Variants in HDAC9 observed in about 807,000 individuals in gnomAD.
The protein encoded by HDAC9 is histone deacetylase 9.
In HDAC9, 41 loss-of-function variants were observed where a neutral mutation model predicts 139.4. That is an observed-to-expected ratio of 0.29 (90% CI 0.23 to 0.38). The LOEUF is 0.38. Among genes scored for constraint, HDAC9 ranks in the 10% least tolerant of loss-of-function variants. The pLI, the probability that HDAC9 is intolerant of heterozygous loss-of-function variation, is 1.00. For synonymous variants in HDAC9, 517 were observed against 476.2 expected (o/e 1.09, Z -1.12); for missense variants, 1,147 against 1,297.0 (o/e 0.88, Z 1.78).
At chr7:18,594,421 A>G (rs1831889851) in intron 6 of HDAC9, among the ~76,000 whole-genome samples, 1 of 152,076 alleles carries the variant, frequency 6.6e-6, no homozygotes, top group Non-Finnish European at 1.5e-5. Flanking sequence ...AACGAGAATA[A>G]TAAAGTTTAA....
chr7:18,707,455 C>A (rs1784015447), intron 12 of HDAC9, among the ~76,000 whole-genome samples: 1 of 151,978 alleles, frequency 6.6e-6, no homozygotes, highest in Non-Finnish European at 1.5e-5. Context: ...GTCCAACAGT[C>A]TAATAAAAAG....
At chr7:18,582,635 A>G (rs1828180958) in intron 2 of HDAC9, among the ~76,000 whole-genome samples, 1 of 152,192 alleles carries the variant, frequency 6.6e-6, no homozygotes, top group African/African-American at 2.4e-5. Flanking sequence ...TACCAAATGG[A>G]TGCGACATAT....
rs1786594171 is a variant in HDAC9 at position 18,998,631 on chromosome 7, T to G, written c.*2569T>G. The G allele has an allele frequency of 6.6e-6, 1 of 152,218 alleles. No homozygotes were observed. The highest frequency in any genetic ancestry group is 1.5e-5 in the Non-Finnish European group (1 of 68,034). The allele number at this position is 152,218 out of a possible 1,614,324, so 9.4% of individuals were successfully genotyped here. On this transcript the variant is annotated 3_prime_UTR_variant, in exon 26 of 26. Coordinates refer to ENST00000686413, the MANE Select transcript of HDAC9 (RefSeq NM_178425.4). Reference sequence around the variant, plus strand: ...CACTTCTTTTGAAATAGACCAGCACTTTTTGAAAGGGTAGTTTCACTTGGT... The same window carrying G: ...CACTTCTTTTGAAATAGACCAGCACGTTTTGAAAGGGTAGTTTCACTTGGT...
At chr7:18,245,266 C>G (rs1443598809) in intron 2 of HDAC9, among the ~76,000 whole-genome samples, 1 of 152,174 alleles carries the variant, frequency 6.6e-6, no homozygotes, top group Non-Finnish European at 1.5e-5. Context: ...GCAGGCATCC[C>G]CTTGTGGTAT....
intron 6 of HDAC9, among the ~76,000 whole-genome samples, chr7:18,609,370 CTAAGTT>C: frequency 6.6e-6 from 1 of 152,080 alleles, no homozygotes; most frequent in Non-Finnish European, 1.5e-5. Context: ...TCATTTGAAT[CTAAGTT>C]TAAAAAGCCA....
chr7:18,365,516 T>G (rs1038943558), intron 1 of HDAC9, among the ~76,000 whole-genome samples: 1 of 152,030 alleles, frequency 6.6e-6, no homozygotes, highest in Admixed American at 6.6e-5. Flanking sequence ...GATGAATCAT[T>G]TTTGCAGTAT....
At chr7:18,788,757 A>G (rs535488383) in intron 16 of HDAC9, among the ~76,000 whole-genome samples, 25 of 151,360 alleles carry the variant, frequency 1.7e-4, no homozygotes, top group African/African-American at 5.8e-4. Flanking sequence ...TCTGTTTAAA[A>G]AAAAAAAAAA....
At chr7:18,606,632 T>A (rs1232085311) in intron 6 of HDAC9, among the ~76,000 whole-genome samples, 1 of 152,212 alleles carries the variant, frequency 6.6e-6, no homozygotes, top group Non-Finnish European at 1.5e-5. Context: ...TCAAACCAAT[T>A]TTTGACCTGT....
At chr7:18,720,978 C>A (rs1785103283) in intron 12 of HDAC9, among the ~76,000 whole-genome samples, 1 of 151,994 alleles carries the variant, frequency 6.6e-6, no homozygotes, top group South Asian at 2.1e-4. Flanking sequence ...TGTGCCCAGC[C>A]TATTTTTATT....
intron 23 of HDAC9, among the ~76,000 whole-genome samples, chr7:18,950,851 G>A (rs1782743327): frequency 6.6e-6 from 1 of 151,934 alleles, no homozygotes; most frequent in East Asian, 1.9e-4. Context: ...TAAAATACTT[G>A]GCATATTTGG....
At chr7:18,138,561 T>TGTGC (rs1554306582) in intron 1 of HDAC9, among the ~76,000 whole-genome samples, 2 of 137,924 alleles carry the variant, frequency 1.5e-5, no homozygotes, top group Non-Finnish European at 3.0e-5. Flanking sequence ...TGTGTGTGTG[T>TGTGC]GTGCACATGC....
At chr7:18,986,678 G>C (rs192811707) in intron 25 of HDAC9, among the ~76,000 whole-genome samples, 1 of 152,108 alleles carries the variant, frequency 6.6e-6, no homozygotes, top group South Asian at 2.1e-4. Flanking sequence ...GCCATTTTCA[G>C]AAGATTGATT....
intron 1 of HDAC9, among the ~76,000 whole-genome samples, chr7:18,481,395 CTT>C (rs1459907477): frequency 6.6e-6 from 1 of 152,078 alleles, no homozygotes; most frequent in African/African-American, 2.4e-5. Context: ...CTAATGTTTC[CTT>C]CGTGGTGTTC....
intron 1 of HDAC9, among the ~76,000 whole-genome samples, chr7:18,102,471 G>GTTA (rs1467647502): frequency 6.6e-6 from 1 of 152,142 alleles, no homozygotes; most frequent in Non-Finnish European, 1.5e-5. Flanking sequence ...TTGTGGCAGT[G>GTTA]TTACATGGCT....
At chr7:18,091,681 A>G (rs538404064) in intron 1 of HDAC9, among the ~76,000 whole-genome samples, 2 of 152,350 alleles carry the variant, frequency 1.3e-5, no homozygotes, top group South Asian at 2.1e-4. Flanking sequence ...ACATAGCTCA[A>G]CTAGGTCCTC....
intron 14 of HDAC9, among the ~76,000 whole-genome samples, chr7:18,755,595 G>A (rs950066721): frequency 6.6e-6 from 1 of 152,076 alleles, no homozygotes; most frequent in Non-Finnish European, 1.5e-5. Flanking sequence ...TTGCAATGTA[G>A]GGGGTTCAGT....
chr7:18,367,440 A>G (rs903984046), intron 1 of HDAC9, among the ~76,000 whole-genome samples: 1 of 152,126 alleles, frequency 6.6e-6, no homozygotes, highest in African/African-American at 2.4e-5. Flanking sequence ...TAGAAACCAA[A>G]CAGAATAGGT....
chr7:18,310,630 C>T (rs1799244591), intron 1 of HDAC9, among the ~76,000 whole-genome samples: 1 of 152,094 alleles, frequency 6.6e-6, no homozygotes, highest in South Asian at 2.1e-4. Flanking sequence ...TGGGAATATC[C>T]CAACAATCCC....
At chr7:18,535,749 AAATTTAC>A (rs1810680138) in intron 2 of HDAC9, among the ~76,000 whole-genome samples, 2 of 149,628 alleles carry the variant, frequency 1.3e-5, no homozygotes, top group Admixed American at 6.6e-5. Flanking sequence ...AAAAAAAAAA[AAATTTAC>A]TTCTATTTCA....
Sources: allele counts gnomAD v4.1 joint callset (sites outside exome capture counted in the v4.1 genomes callset), GRCh38; gene constraint gnomAD v4.1.1; transcripts MANE v1.5; gene names NCBI Gene and HGNC (gene_info 2026-07-23, HGNC 2026-07-21).